CHRNB3: variants seen among roughly 807,000 people sequenced by gnomAD.
The protein encoded by CHRNB3 is neuronal acetylcholine receptor subunit beta-3.
In CHRNB3, 37 loss-of-function variants were observed where a neutral mutation model predicts 40.6. That is an observed-to-expected ratio of 0.91 (90% confidence interval 0.70 to 1.20). The LOEUF is 1.20. CHRNB3 is among the 50% of genes most tolerant of loss of function. The pLI is 0.00. For synonymous variants in CHRNB3, 207 were observed against 207.1 expected, an observed-to-expected ratio of 1.00 and a Z score of 0.00; for missense variants, 505 against 551.2, an observed-to-expected ratio of 0.92 and a Z score of 0.84.
intron 1 of CHRNB3, chr8:42,704,603 A>G (rs2128904624): frequency 1.3e-5 from 2 of 152,364 alleles, no homozygotes; most frequent in Middle Eastern, 6.8e-3. Flanking sequence ...TCATGGTTAC[A>G]GTCCCTGCTC....
At chr8:42,726,161 T>A (rs935923100) in intron 3 of CHRNB3, 11 of 1,336,982 alleles carry the variant, frequency 8.2e-6, no homozygotes, top group African/African-American at 1.4e-5. Context: ...GAGGGCTTGA[T>A]AAGCTGTCCT....
intron 1 of CHRNB3, among the ~76,000 whole-genome samples, chr8:42,707,259 G>T (rs941006956): frequency 2.6e-5 from 4 of 152,198 alleles, no homozygotes; most frequent in Admixed American, 6.5e-5. Flanking sequence ...CTGCACACAG[G>T]GGGATGGTGC....
rs767181405 is a variant in CHRNB3 at position 42,732,086 on chromosome 8, A to T, written c.779A>T (p.Asp260Val). 43 of 1,613,776 alleles carry T rather than the reference A, an allele frequency of 2.7e-5. No homozygotes were observed. The highest frequency in any genetic ancestry group is 3.6e-5 in the Non-Finnish European group (42 of 1,179,992). Residue 260 changes from aspartate to valine, a missense_variant, in exon 5 of 6, where the codon GAT becomes GTT. By Grantham distance (152) the Asp-to-Val change is radical. Transcript: ENST00000289957. ...LTVLVFYLPS[D>V]EGEKLSLSTS... Reference sequence around the variant, plus strand: ...GTTCTTGTGTTCTATTTACCTTCGGATGAAGGAGAAAAACTTTCATTATCC... The same window carrying T: ...GTTCTTGTGTTCTATTTACCTTCGGTTGAAGGAGAAAAACTTTCATTATCC...
intron 3 of CHRNB3, among the ~76,000 whole-genome samples, chr8:42,723,948 T>C (rs1285084916): frequency 6.6e-6 from 1 of 151,704 alleles, no homozygotes; most frequent in African/African-American, 2.4e-5. Flanking sequence ...TAGCTGGGCG[T>C]GATGGTGGAT....
In CHRNB3 at chr8:42,732,315, G is replaced by C. The variant is rs771907516; in HGVS notation, c.1008G>C (p.Lys336Asn). Reference sequence around the variant, plus strand: ...ACCACCCCATGGCCCCCTGGGTTAAGAGGCTCTTTCTGCAGAAACTTCCAA... The same window carrying C: ...ACCACCCCATGGCCCCCTGGGTTAACAGGCTCTTTCTGCAGAAACTTCCAA... The part of the protein sequence containing the change: ...STYHPMAPWV[K>N]RLFLQKLPKL... The change falls in exon 5 of 6, where the codon AAG (lysine) becomes AAC (asparagine). Residue 336 changes from lysine to asparagine, a missense_variant. Coordinates refer to ENST00000289957, the MANE Select transcript of CHRNB3 (RefSeq NM_000749.5). 2 of 1,606,784 alleles carry C rather than the reference G, an allele frequency of 1.2e-6. No individual in the cohort carries two copies. The highest frequency in any genetic ancestry group is 1.3e-5 in the African/African-American group (1 of 74,288).
At chr8:42,729,574 T>C (rs1816367925) in intron 3 of CHRNB3, among the ~76,000 whole-genome samples, 1 of 152,098 alleles carries the variant, frequency 6.6e-6, no homozygotes, top group Admixed American at 6.5e-5. Context: ...CCATCATTTG[T>C]CAGGCATCAT....
Position 42,708,753 on chromosome 8 carries a change from A to T in CHRNB3, c.89A>T (p.Asp30Val). The change falls in exon 2 of 6, where the codon GAT becomes GTT. Residue 30 changes from aspartate (D) to valine (V), a missense_variant. Transcript: ENST00000289957. ...TTCAACTCAATCGCCGAAAATGAAG[A>T]TGCCCTCCTCAGACATTTGTTCCAA... is the stretch of plus-strand genomic sequence containing the variant. Reference protein sequence around the residue: ...TGFNSIAENEDALLRHLFQGY... With the variant: ...TGFNSIAENEVALLRHLFQGY... 1 of 1,614,104 alleles carries T rather than the reference A, an allele frequency of 6.2e-7. No homozygotes were observed. Among genetic ancestry groups the T allele is most frequent in the Admixed American group, 1.7e-5 (1 of 60,010 alleles).
chr8:42,733,892 G>A (rs1314956716), intron 5 of CHRNB3, among the ~76,000 whole-genome samples: 1 of 150,156 alleles, frequency 6.7e-6, no homozygotes, highest in Non-Finnish European at 1.5e-5. Flanking sequence ...ACCGTGACCA[G>A]CCCATTCTTC....
In CHRNB3 at chr8:42,708,951, G is replaced by A. The variant is rs190334239; in HGVS notation, c.204+83G>A. The A allele has an allele frequency of 8.4e-6, 11 of 1,317,294 alleles. No individual in the cohort carries two copies. In the African/African-American group the frequency reaches 9.0e-5, roughly 11 times the overall value. 81.6% of individuals were successfully genotyped at this position (1,317,294 alleles called of 1,614,324 possible). A position where few individuals can be genotyped will look rare whatever the true frequency, so the allele number is the denominator to read the frequency against. On this transcript the variant is annotated intron_variant, in intron 2 of 5. Coordinates refer to ENST00000289957, the MANE Select transcript of CHRNB3 (RefSeq NM_000749.5). ...GTCTAAAATATATATTTTTCCCTAT[G>A]TCTGCCATTTCAATTTTAAAAATAA...
chr8:42,706,566 C>T (rs1003850568), intron 1 of CHRNB3, among the ~76,000 whole-genome samples: 1 of 151,924 alleles, frequency 6.6e-6, no homozygotes, highest in African/African-American at 2.4e-5. Flanking sequence ...TAAGACCCGA[C>T]GTAGGGTGGG....
At chr8:42,716,806 T>C (rs1055846613) in intron 3 of CHRNB3, among the ~76,000 whole-genome samples, 2 of 152,084 alleles carry the variant, frequency 1.3e-5, no homozygotes, top group African/African-American at 4.8e-5. Context: ...TTTCACCTTC[T>C]GCCTCATAAG....
At chr8:42,705,541 CA>C (rs984115703) in intron 1 of CHRNB3, 1 of 152,282 alleles carries the variant, frequency 6.6e-6, no homozygotes, top group African/African-American at 2.4e-5. Context: ...TTTGATGCAG[CA>C]AGAAGGCCCT....
chr8:42,717,407 C>A, intron 3 of CHRNB3, among the ~76,000 whole-genome samples: 4 of 54,502 alleles, frequency 7.3e-5, no homozygotes, highest in Non-Finnish European at 1.6e-4. Flanking sequence ...AAAAAAAAAG[C>A]CGACCTGTTG....
chr8:42,722,308 T>C (rs1389732835), intron 3 of CHRNB3, among the ~76,000 whole-genome samples: 2 of 151,352 alleles, frequency 1.3e-5, no homozygotes, highest in Non-Finnish European at 2.9e-5. Flanking sequence ...GAGGTTGCAG[T>C]GAGCAGAGAT....
intron 1 of CHRNB3, among the ~76,000 whole-genome samples, chr8:42,706,411 T>A (rs988221149): frequency 2.0e-5 from 3 of 152,034 alleles, no homozygotes; most frequent in Non-Finnish European, 4.4e-5. Flanking sequence ...AGCTGCTGTG[T>A]GGGGAATGGA....
Position 42,708,733 on chromosome 8 carries a change from C to G in CHRNB3, c.69C>G (p.Asn23Lys). The G allele has an allele frequency of 5.0e-6, 8 of 1,614,020 alleles. No homozygotes were observed. The highest frequency in any genetic ancestry group is 6.8e-6 in the Non-Finnish European group (8 of 1,179,942). The change falls in exon 2 of 6, where the codon AAC (asparagine) becomes AAG (lysine). Residue 23 changes from asparagine (N) to lysine (K), a missense_variant. Transcript: ENST00000289957. ...GIPSSATTGF[N>K]SIAENEDALL... ...CTTTTACAGCCACCACAGGTTTCAACTCAATCGCCGAAAATGAAGATGCCC... is the reference window on the plus strand; with the variant it reads ...CTTTTACAGCCACCACAGGTTTCAAGTCAATCGCCGAAAATGAAGATGCCC...
intron 1 of CHRNB3, among the ~76,000 whole-genome samples, chr8:42,708,405 G>A (rs536679468): frequency 6.6e-6 from 1 of 152,168 alleles, no homozygotes; most frequent in Admixed American, 6.5e-5. Flanking sequence ...GGCGGAGCTT[G>A]CAGTGAGCCG....
chr8:42,729,173 C>T (rs1048483333), intron 3 of CHRNB3, among the ~76,000 whole-genome samples: 5 of 151,878 alleles, frequency 3.3e-5, no homozygotes, highest in Non-Finnish European at 5.9e-5. Flanking sequence ...TTTGGGAGGC[C>T]GAGGCGGGCA....
At chr8:42,705,997 G>A (rs1334852381) in intron 1 of CHRNB3, 1 of 152,270 alleles carries the variant, frequency 6.6e-6, no homozygotes, top group Non-Finnish European at 1.5e-5. Context: ...GCATCATCTA[G>A]GGAGGGGAGA....
Sources: gnomAD v4.1 joint callset for allele counts (sites outside exome capture counted in the v4.1 genomes callset) on GRCh38, gnomAD v4.1.1 for gene constraint, MANE v1.5 for transcripts, NCBI Gene and HGNC (gene_info 2026-07-23, HGNC 2026-07-21) for gene names.